The following RHAG variants were observed in gnomAD, a reference collection of about 807,000 sequenced individuals.
RHAG encodes the protein Rh associated glycoprotein.
In RHAG, 25 loss-of-function variants were observed where a neutral mutation model predicts 42.4. The observed-to-expected ratio is 0.59, with a 90% confidence interval of 0.43 to 0.82. RHAG has a LOEUF of 0.82. Ranked by LOEUF, RHAG falls within the 40% of genes least tolerant of loss-of-function variation. The pLI is 0.00. For missense variants in RHAG, 483 were observed against 504.6 expected, an observed-to-expected ratio of 0.96 and a Z score of 0.41; for synonymous variants, 182 against 177.7, an observed-to-expected ratio of 1.02 and a Z score of -0.19.
intron 3 of RHAG, 46 bp downstream of exon 3, chr6:49,618,022 G>C: frequency 6.3e-7 from 1 of 1,584,214 alleles, no homozygotes; most frequent in Non-Finnish European, 8.7e-7. Flanking sequence ...TTTGTAGCCA[G>C]AACTGATGCC....
chr6:49,634,824 C>T (rs1004896929), intron 1 of RHAG, among the ~76,000 whole-genome samples: 18 of 151,710 alleles, frequency 1.2e-4, no homozygotes, highest in Admixed American at 3.3e-4. Context: ...ATATAATTGA[C>T]GTATACAATT....
chr6:49,610,971 G>T, intron 7 of RHAG, 53 bp downstream of exon 7: 1 of 1,608,398 alleles, frequency 6.2e-7, no homozygotes. Context: ...TTCTCAGAGT[G>T]AGAGAAAACA....
chr6:49,626,297 G>A (rs994300531), intron 1 of RHAG, among the ~76,000 whole-genome samples: 1 of 152,134 alleles, frequency 6.6e-6, no homozygotes, highest in Non-Finnish European at 1.5e-5. Flanking sequence ...GACACAGTGG[G>A]GTTATAGGCA....
At chr6:49,634,675 TG>T (rs2127359653) in intron 1 of RHAG, among the ~76,000 whole-genome samples, 1 of 152,184 alleles carries the variant, frequency 6.6e-6, no homozygotes, top group South Asian at 2.1e-4. Context: ...TTGAGAGAGT[TG>T]AAGATTGCTT....
chr6:49,621,360 A>G (rs745313828), intron 1 of RHAG, among the ~76,000 whole-genome samples: 4 of 152,126 alleles, frequency 2.6e-5, no homozygotes, highest in Non-Finnish European at 5.9e-5. Context: ...TGGACACAAT[A>G]ACTGATTCAC....
chr6:49,619,952 T>C (rs969955412), intron 1 of RHAG, among the ~76,000 whole-genome samples: 26 of 152,354 alleles, frequency 1.7e-4, no homozygotes, highest in African/African-American at 6.0e-4. Context: ...AGTAGTACGT[T>C]TCTTTGATGG....
chr6:49,624,041 A>G (rs1353860505), intron 1 of RHAG, among the ~76,000 whole-genome samples: 1 of 152,018 alleles, frequency 6.6e-6, no homozygotes. Flanking sequence ...TATTTCAAGC[A>G]TTTTCCTGAA....
chr6:49,627,070 A>G (rs1206376672), intron 1 of RHAG, among the ~76,000 whole-genome samples: 1 of 152,202 alleles, frequency 6.6e-6, no homozygotes, highest in Non-Finnish European at 1.5e-5. Context: ...GATGGCCATG[A>G]GGGTCTCTGA....
At chr6:49,622,280 G>A (rs1395496442) in intron 1 of RHAG, among the ~76,000 whole-genome samples, 2 of 149,648 alleles carry the variant, frequency 1.3e-5, no homozygotes, top group African/African-American at 4.9e-5. Context: ...GCAGTGGTGC[G>A]ATCTTGGCTC....
chr6:49,612,324 T>C, intron 6 of RHAG, 73 bp downstream of exon 6: 1 of 1,527,054 alleles, frequency 6.5e-7, no homozygotes, highest in Non-Finnish European at 9.1e-7. Flanking sequence ...TAGTAGCTTT[T>C]TTTCTGCTGG....
In RHAG at chr6:49,627,318, G is replaced by A. The variant is rs147035406; in HGVS notation, c.158-7956C>T. Among the ~76,000 whole-genome samples the A allele has an allele frequency of 2.4e-3, 360 of 152,210 alleles. 3 individuals are homozygous for A. The highest frequency in any genetic ancestry group is 8.4e-3 in the African/African-American group (347 of 41,528). The stretch of plus-strand genomic sequence containing the variant: ...CTAAATCATCTCTCTCAAGTTCAAA[G>A]TTCTGCAGATCTTCAGGGGAGGGGC... On this transcript the variant is annotated intron_variant, in intron 1 of 9. Coordinates refer to ENST00000371175, the MANE Select transcript of RHAG (RefSeq NM_000324.3).
At chr6:49,623,993 C>G (rs925385065) in intron 1 of RHAG, among the ~76,000 whole-genome samples, 1 of 151,996 alleles carries the variant, frequency 6.6e-6, no homozygotes, top group African/African-American at 2.4e-5. Context: ...TTCTCCCATT[C>G]CTTGCTGCCC....
intron 9 of RHAG, 150 bp downstream of exon 9, chr6:49,606,698 C>A (rs9473620): frequency 0.067 from 45,623 of 681,476 alleles, 2,581 homozygotes; most frequent in African/African-American, 0.24. Context: ...AGCCGCCCAA[C>A]GTGCTGAGAT....
chr6:49,613,710 T>C lies in RHAG; in HGVS notation c.807+977A>G, dbSNP rs137873340. On this transcript the variant is annotated intron_variant, in intron 5 of 9. Transcript: ENST00000371175. ...AACTCAAGAGACCAATTTGGGGGAA[T>C]TTAAAAAATATTTTATTTTGAACTA... is the stretch of plus-strand genomic sequence containing the variant. Among the ~76,000 whole-genome samples the C allele has an allele frequency of 8.0e-3, 1,216 of 152,280 alleles. 17 individuals are homozygous for C. Among genetic ancestry groups the C allele is most frequent in the African/African-American group, 0.027 (1,139 of 41,554 alleles).
intron 4 of RHAG, 151 bp from the exon 5 acceptor site, chr6:49,615,004 G>T: frequency 1.4e-6 from 1 of 731,590 alleles, no homozygotes; most frequent in South Asian, 1.8e-5. Flanking sequence ...CTGGAGTGCA[G>T]TGGCTTGATC....
At chr6:49,623,093 C>T (rs1030384322) in intron 1 of RHAG, among the ~76,000 whole-genome samples, 10 of 152,222 alleles carry the variant, frequency 6.6e-5, no homozygotes, top group Admixed American at 5.9e-4. Flanking sequence ...CCGCCTCGGC[C>T]TCCCAAAGTG....
At chr6:49,614,927 T>A in intron 4 of RHAG, 74 bp from the exon 5 acceptor site, 1 of 1,325,778 alleles carries the variant, frequency 7.5e-7, no homozygotes, top group African/African-American at 1.5e-5. Flanking sequence ...TTGCTTTATT[T>A]ATTTATTTAC....
Position 49,636,669 on chromosome 6 carries a change from A to G in RHAG, c.144T>C (p.Phe48=). ...ITKPTDMGIF[F]ELYPLFQDVH... ...TTGCCTACTCACGAGGATATAACTC[A>G]AAGAATATGCCCATGTCTGTTGGCT... is the stretch of plus-strand genomic sequence containing the variant. Residue 48 remains phenylalanine, a synonymous_variant, in exon 1 of 10, where the codon TTT becomes TTC. Coordinates refer to ENST00000371175, the MANE Select transcript of RHAG (RefSeq NM_000324.3). 2 of 1,613,918 alleles carry G rather than the reference A, an allele frequency of 1.2e-6. No homozygotes were observed. The highest frequency in any genetic ancestry group is 1.1e-5 in the South Asian group (1 of 91,086).
intron 1 of RHAG, among the ~76,000 whole-genome samples, chr6:49,624,228 G>A (rs1762807210): frequency 6.6e-6 from 1 of 151,844 alleles, no homozygotes; most frequent in Admixed American, 6.6e-5. Flanking sequence ...TTTTGAGATG[G>A]AGTCTCACTC....
Sources: allele counts gnomAD v4.1 joint callset (sites outside exome capture counted in the v4.1 genomes callset), GRCh38; gene constraint gnomAD v4.1.1; transcripts MANE v1.5; gene names NCBI Gene and HGNC (gene_info 2026-07-23, HGNC 2026-07-21).